The following FLNC variants were observed in gnomAD, a reference collection of about 807,000 sequenced individuals.
FLNC encodes filamin C.
FLNC carries 91 observed loss-of-function variants against 254.3 expected under a neutral mutation model. That is an observed-to-expected ratio of 0.36 (90% CI 0.30 to 0.43). FLNC has a LOEUF of 0.43. Ranked by LOEUF, FLNC falls within the 20% of genes least tolerant of loss-of-function variation. The pLI, the probability that FLNC is intolerant of heterozygous loss-of-function variation, is 1.00. For missense variants in FLNC, 2,853 were observed against 3,802.6 expected, an observed-to-expected ratio of 0.75 and a Z score of 6.57; for synonymous variants, 1,430 against 1,577.2, an observed-to-expected ratio of 0.91 and a Z score of 2.21.
chr7:128,853,709 C>T lies in FLNC; in HGVS notation c.6362-6C>T, dbSNP rs1808923840. On this transcript the variant is annotated splice_polypyrimidine_tract_variant and splice_region_variant and intron_variant, in intron 38 of 47. Coordinates refer to ENST00000325888, the MANE Select transcript of FLNC (RefSeq NM_001458.5). ...GTTCCTGACCCACCCTTTGTCCCCA[C>T]TTCAGGAAGCCCCTTCACTGTGAAG... The T allele has an allele frequency of 6.2e-7, 1 of 1,613,940 alleles. No individual in the cohort carries two copies. Among genetic ancestry groups the T allele is most frequent in the South Asian group, 1.1e-5 (1 of 91,090 alleles).
intron 37 of FLNC, 179 bp from the exon 38 acceptor site, chr7:128,853,290 G>A: frequency 1.3e-6 from 1 of 785,512 alleles, no homozygotes; most frequent in Non-Finnish European, 2.1e-6. Context: ...CTTACCTTAG[G>A]GAATTTTCCA....
In FLNC at chr7:128,849,214, C is replaced by T. The variant is rs778809639; in HGVS notation, c.4951+10C>T. 2.9e-5 allele frequency: 46 copies of T among 1,614,000 alleles called. No homozygotes were observed. The highest frequency in any genetic ancestry group is 3.6e-5 in the Non-Finnish European group (43 of 1,180,028). The stretch of plus-strand genomic sequence containing the variant: ...GGAGGCCATGGCCTGGGTGAGTGCC[C>T]TTTCTCTCCTCTTCTTGGTGTGGGC... On this transcript the variant is annotated intron_variant, in intron 29 of 47. Transcript: ENST00000325888.
Position 128,849,406 on chromosome 7 carries a change from G to A in FLNC, c.5027G>A (p.Gly1676Glu). The change falls in exon 30 of 48, where the codon GGG becomes GAG. Residue 1676 changes from glycine to glutamate, a missense_variant. Transcript: ENST00000325888. ...GTGGATGCCAAGGCAGCCGGTGAGG[G>A]GAAGGTGACATGCACGGTGTCCACG... ...ITVDAKAAGEGKVTCTVSTPD... is the reference protein window; with the variant it reads ...ITVDAKAAGEEKVTCTVSTPD... 2 of 1,614,214 alleles carry A rather than the reference G, an allele frequency of 1.2e-6. No homozygotes were observed. Among genetic ancestry groups the A allele is most frequent in the Non-Finnish European group, 1.7e-6 (2 of 1,180,042 alleles).
At chr7:128,834,313 C>CG (rs1223738463) in intron 1 of FLNC, among the ~76,000 whole-genome samples, 2 of 103,008 alleles carry the variant, frequency 1.9e-5, no homozygotes, top group Admixed American at 9.2e-5. Context: ...ATCTAGGCGC[C>CG]CCCCCCCCCC....
intron 26 of FLNC, among the ~76,000 whole-genome samples, 163 bp downstream of exon 26, chr7:128,848,231 T>C (rs1808647536): frequency 6.6e-6 from 1 of 152,126 alleles, no homozygotes; most frequent in Non-Finnish European, 1.5e-5. Flanking sequence ...GGCTCTCTGC[T>C]GTGAGGCTTT....
Position 128,854,764 on chromosome 7 carries a change from C to T in FLNC, c.6998-11C>T, listed in dbSNP as rs1369989807. The T allele has an allele frequency of 2.5e-6, 4 of 1,614,038 alleles. No individual in the cohort carries two copies. Among genetic ancestry groups the T allele is most frequent in the Non-Finnish European group, 2.5e-6 (3 of 1,180,030 alleles). On this transcript the variant is annotated splice_polypyrimidine_tract_variant and intron_variant, in intron 41 of 47. Transcript: ENST00000325888. Reference sequence around the variant, plus strand: ...GATGATGCTGAAGTCCACTACCTTGCCTGTCCCCAGCCGAGTTCAGCATCT... The same window carrying T: ...GATGATGCTGAAGTCCACTACCTTGTCTGTCCCCAGCCGAGTTCAGCATCT...
intron 16 of FLNC, 95 bp downstream of exon 16, chr7:128,843,049 C>T (rs1181085507): frequency 9.3e-6 from 14 of 1,501,460 alleles, no homozygotes; most frequent in Middle Eastern, 1.7e-4. Context: ...GGGATGATTC[C>T]GCAGACATGG....
chr7:128,848,518 T>G, intron 26 of FLNC, 43 bp from the exon 27 acceptor site: 1 of 1,602,874 alleles, frequency 6.2e-7, no homozygotes, highest in Non-Finnish European at 8.5e-7. Context: ...CACCGCCCCG[T>G]CCATGCCACC....
chr7:128,853,795 G>A lies in FLNC; in HGVS notation c.6442G>A (p.Ala2148Thr), dbSNP rs1373731120. 3.1e-6 allele frequency: 5 copies of A among 1,613,338 alleles called. No homozygotes were observed. The highest frequency in any genetic ancestry group is 2.2e-5 in the South Asian group (2 of 91,072). Residue 2148 changes from alanine (A) to threonine (T), a missense_variant, in exon 39 of 48, where the codon GCC becomes ACC. This residue lies in a region of FLNC where 551 missense variants were observed against 835.0 expected (regional missense o/e 0.66). Transcript: ENST00000325888. ...CCGGCGGAGACAGGCACCTTCCATC[G>A]CCACCATCGGCAGCACCTGTGACCT... is the stretch of plus-strand genomic sequence containing the variant. ...ITRRRQAPSI[A>T]TIGSTCDLNL... is the part of the protein sequence containing the mutation.
chr7:128,848,655 C>T lies in FLNC; in HGVS notation c.4675C>T (p.Pro1559Ser), dbSNP rs916616640. 6.2e-7 allele frequency: 1 copy of T among 1,613,592 alleles called. No homozygotes were observed. Among genetic ancestry groups the T allele is most frequent in the Non-Finnish European group, 8.5e-7 (1 of 1,180,032 alleles). ...LNASGIPASLPVEFTIDARDA... is the reference protein window; with the variant it reads ...LNASGIPASLSVEFTIDARDA... ...CGCCTCTGGCATCCCTGCCAGCCTGCCTGTGGAGTTCACCATCGACGCACG... is the reference window on the plus strand; with the variant it reads ...CGCCTCTGGCATCCCTGCCAGCCTGTCTGTGGAGTTCACCATCGACGCACG... The change falls in exon 27 of 48, where the codon CCT (proline) becomes TCT (serine). Residue 1559 changes from proline (P) to serine (S), a missense_variant. Pro to Ser is a moderately conservative substitution (Grantham distance 74, BLOSUM62 -1). Around this residue, in one of 10 missense-constraint regions of FLNC, gnomAD observed 1,573 missense variants for 1,883.5 expected, o/e 0.84. Coordinates refer to ENST00000325888, the MANE Select transcript of FLNC (RefSeq NM_001458.5).
In FLNC at chr7:128,850,066, A is replaced by G; in HGVS notation, c.5290A>G (p.Thr1764Ala). 1 of 1,539,200 alleles carries G rather than the reference A, an allele frequency of 6.5e-7. No individual in the cohort carries two copies. Among genetic ancestry groups the G allele is most frequent in the Non-Finnish European group, 8.7e-7 (1 of 1,147,122 alleles). ...TCCTCCCCGGCCCGGCGCCCGCCCCACACACTGGGTACTGCGCCTCCCACC... is the reference window on the plus strand; with the variant it reads ...TCCTCCCCGGCCCGGCGCCCGCCCCGCACACTGGGTACTGCGCCTCCCACC... ...YAPPRPGARP[T>A]HWATEEPVVP... The change falls in exon 31 of 48, where the codon ACA becomes GCA. Residue 1764 changes from threonine to alanine, a missense_variant. Physicochemically the swap from Thr to Ala is moderately conservative, Grantham distance 58. Around this residue, in one of 10 missense-constraint regions of FLNC, gnomAD observed 258 missense variants for 312.3 expected, o/e 0.83. Transcript: ENST00000325888.
chr7:128,853,173 GC>G, intron 37 of FLNC, 142 bp downstream of exon 37: 1 of 888,086 alleles, frequency 1.1e-6, no homozygotes. Context: ...GCATTCTGGG[GC>G]CCCTTGCGGG....
Position 128,849,187 on chromosome 7 carries a change from T to C in FLNC, c.4934T>C (p.Ile1645Thr). 1 of 1,612,104 alleles carries C rather than the reference T, an allele frequency of 6.2e-7. No individual in the cohort carries two copies. Among genetic ancestry groups the C allele is most frequent in the East Asian group, 2.2e-5 (1 of 44,720 alleles). ...DASKCLVTVS[I>T]GGHGLGACLG... ...CACTCTTCTCTCTTTCCAGTGTCCA[T>C]TGGAGGCCATGGCCTGGGTGAGTGC... Residue 1645 changes from isoleucine to threonine, a missense_variant, in exon 29 of 48, where the codon ATT becomes ACT. Ile to Thr is a moderately conservative substitution (Grantham distance 89, BLOSUM62 -1). Transcript: ENST00000325888.
At chr7:128,838,894 G>C in intron 8 of FLNC, 91 bp downstream of exon 8, 1 of 1,200,284 alleles carries the variant, frequency 8.3e-7, no homozygotes, top group Non-Finnish European at 1.2e-6. Flanking sequence ...GGGGTCTGCA[G>C]AGACCCCCTC....
rs1808396868 is a variant in FLNC at position 128,842,845 on chromosome 7, A to G, written c.2441A>G (p.Glu814Gly). ...GCCCCAGGCGTGGTGGGCCCTGCAG[A>G]GGCTGACATTGACTTCGACATCATC... ...KCAPGVVGPAEADIDFDIIKN... is the reference protein window; with the variant it reads ...KCAPGVVGPAGADIDFDIIKN... Residue 814 changes from glutamate (E) to glycine (G), a missense_variant, in exon 16 of 48, where the codon GAG (glutamate) becomes GGG (glycine). Coordinates refer to ENST00000325888, the MANE Select transcript of FLNC (RefSeq NM_001458.5). The surrounding 1 kb of genome is among the most constrained non-coding windows in gnomAD (Gnocchi z 5.4). 3 of 1,613,982 alleles carry G rather than the reference A, an allele frequency of 1.9e-6. No individual in the cohort carries two copies. The highest frequency in any genetic ancestry group is 4.5e-5 in the East Asian group (2 of 44,872).
At position 128,840,986 on chromosome 7, in the gene FLNC, G is replaced by T; in HGVS notation, c.1813+16G>T. The T allele has an allele frequency of 6.3e-7, 1 of 1,584,450 alleles. No individual in the cohort carries two copies. ...GGGACACTGGGTAAGTGGCTGGGGG[G>T]CAGGAGGAGGGAGTGCTGCGGGGGA... On this transcript the variant is annotated intron_variant, in intron 11 of 47. Coordinates refer to ENST00000325888, the MANE Select transcript of FLNC (RefSeq NM_001458.5).
At position 128,848,676 on chromosome 7, in the gene FLNC, G is replaced by A. The variant is rs1161262954; in HGVS notation, c.4696G>A (p.Ala1566Thr). ...ASLPVEFTIDARDAGEGLLTV... is the reference protein window; with the variant it reads ...ASLPVEFTIDTRDAGEGLLTV... ...CCTGCCTGTGGAGTTCACCATCGAC[G>A]CACGGGACGCGGGCGAGGGGTTGCT... Residue 1566 changes from alanine to threonine, a missense_variant, in exon 27 of 48, where the codon GCA (alanine) becomes ACA (threonine). Physicochemically the swap from Ala to Thr is moderately conservative, Grantham distance 58. This residue lies in a region of FLNC where 1,573 missense variants were observed against 1,883.5 expected (regional missense o/e 0.84). Transcript: ENST00000325888. The A allele has an allele frequency of 2.2e-5, 36 of 1,613,296 alleles. No individual in the cohort carries two copies. Among genetic ancestry groups the A allele is most frequent in the Non-Finnish European group, 2.6e-5 (31 of 1,180,004 alleles).
In FLNC at chr7:128,848,880, C is replaced by T. The variant is rs374756527; in HGVS notation, c.4825C>T (p.Arg1609Trp). The change falls in exon 28 of 48, where the codon CGG becomes TGG. Residue 1609 changes from arginine to tryptophan, a missense_variant. Around this residue, in one of 10 missense-constraint regions of FLNC, gnomAD observed 1,573 missense variants for 1,883.5 expected, o/e 0.84. Transcript: ENST00000325888. The stretch of plus-strand genomic sequence containing the variant: ...GTCCTACCTGCCGGACATGAGTGGC[C>T]GGTACACCATCACCATCAAGTATGG... ...TVSYLPDMSG[R>W]YTITIKYGGD... 19 of 1,613,922 alleles carry T rather than the reference C, an allele frequency of 1.2e-5. 1 individual carries two copies. The highest frequency in any genetic ancestry group is 1.2e-4 in the Admixed American group (7 of 60,002).
intron 22 of FLNC, 37 bp downstream of exon 22, chr7:128,846,200 G>T: frequency 5.0e-6 from 8 of 1,613,586 alleles, no homozygotes; most frequent in Non-Finnish European, 6.8e-6. Flanking sequence ...GGCAGGGCTG[G>T]GCAAGTGGGC....
Sources: allele counts gnomAD v4.1 joint callset (sites outside exome capture counted in the v4.1 genomes callset), GRCh38; gene constraint gnomAD v4.1.1; regional missense constraint gnomAD v4.1.1; non-coding constraint Gnocchi (gnomAD v3.1); transcripts MANE v1.5; gene names NCBI Gene and HGNC (gene_info 2026-07-23, HGNC 2026-07-21).